Variants in GPHN observed in about 807,000 individuals in gnomAD.
GPHN encodes the protein gephyrin.
In GPHN, 17 loss-of-function variants were observed where a neutral mutation model predicts 95.5. The ratio of observed to expected loss-of-function variants is 0.18; its 90% CI spans 0.12 to 0.27. GPHN has a LOEUF of 0.27. Among genes scored for constraint, GPHN ranks in the 10% least tolerant of loss-of-function variants. The probability of loss-of-function intolerance (pLI) is 1.00; values close to 1 mark genes in which losing one functional copy is unlikely to be tolerated. For synonymous variants in GPHN, 320 were observed against 322.5 expected (o/e 0.99, Z 0.08); for missense variants, 660 against 978.1 (o/e 0.67, Z 4.34).
the GPHN span, chr14:67,578,386 C>T: frequency 1.3e-6 from 1 of 759,836 alleles, no homozygotes. This position sits in a 1 kb window ranked among gnomAD's most constrained non-coding sequence, Gnocchi z 5.0. Context: ...CTGGACACAG[C>T]CTGACCAAGT....
At chr14:67,236,867 C>A in the GPHN span, among the ~76,000 whole-genome samples, 1 of 151,986 alleles carries the variant, frequency 6.6e-6, no homozygotes, top group Admixed American at 6.6e-5. Flanking sequence ...GTGGGCAAAT[C>A]ATTTTAGGTC....
the GPHN span, chr14:67,242,067 TG>T: frequency 6.6e-6 from 1 of 152,398 alleles, no homozygotes; most frequent in Admixed American, 6.5e-5. Flanking sequence ...AGCCTAGTTT[TG>T]TTCATGGTTT....
chr14:67,225,962 TGCGCGC>T, the GPHN span, among the ~76,000 whole-genome samples: 7 of 113,488 alleles, frequency 6.2e-5, no homozygotes, highest in Admixed American at 4.9e-4. Context: ...TGTGTGTGTG[TGCGCGC>T]GCGCGCGTGC....
chr14:67,113,597 C>T (rs1054385009), intron 16 of GPHN, among the ~76,000 whole-genome samples: 1 of 152,126 alleles, frequency 6.6e-6, no homozygotes, highest in African/African-American at 2.4e-5. Flanking sequence ...GACATCATGG[C>T]TAGCACTTCT....
chr14:67,501,083 A>T, the GPHN span, among the ~76,000 whole-genome samples: 1 of 148,992 alleles, frequency 6.7e-6, no homozygotes, highest in Non-Finnish European at 1.5e-5. Context: ...AATAATAATA[A>T]TAAAGAAAAT....
chr14:67,631,480 G>C, the GPHN span, among the ~76,000 whole-genome samples: 1 of 135,850 alleles, frequency 7.4e-6, no homozygotes, highest in Non-Finnish European at 1.5e-5. Flanking sequence ...CTGTCATCCA[G>C]GCTGGAGTAC....
chr14:67,430,061 G>T, the GPHN span, among the ~76,000 whole-genome samples: 2 of 152,156 alleles, frequency 1.3e-5, no homozygotes, highest in Non-Finnish European at 2.9e-5. Flanking sequence ...GCACACAAGG[G>T]AATCACAAGC....
At chr14:66,510,521 G>A (rs2058002463) in intron 1 of GPHN, among the ~76,000 whole-genome samples, 1 of 152,082 alleles carries the variant, frequency 6.6e-6, no homozygotes, top group African/African-American at 2.4e-5. Context: ...ACATTGATAC[G>A]CAAACAAATG....
chr14:66,677,802 T>C (rs1158036240), intron 1 of GPHN, among the ~76,000 whole-genome samples: 1 of 152,140 alleles, frequency 6.6e-6, no homozygotes, highest in African/African-American at 2.4e-5. Context: ...GGACCAAATA[T>C]GTTCTGTAAG....
At chr14:67,208,924 A>G in the GPHN span, among the ~76,000 whole-genome samples, 1 of 151,902 alleles carries the variant, frequency 6.6e-6, no homozygotes, top group East Asian at 1.9e-4. Context: ...AGAAAAAAAA[A>G]AGAAGCACGG....
At chr14:66,586,979 T>G (rs2061447575) in intron 1 of GPHN, among the ~76,000 whole-genome samples, 1 of 152,050 alleles carries the variant, frequency 6.6e-6, no homozygotes, top group Non-Finnish European at 1.5e-5. Flanking sequence ...TTTCAGAAGA[T>G]AAACAGTTGA....
intron 1 of GPHN, among the ~76,000 whole-genome samples, chr14:66,534,399 T>C (rs1474242907): frequency 6.6e-6 from 1 of 152,144 alleles, no homozygotes; most frequent in Admixed American, 6.5e-5. Context: ...ACTTCTTTCG[T>C]TTATTATGGT....
chr14:66,858,692 G>A (rs1449197155), intron 4 of GPHN, among the ~76,000 whole-genome samples: 1 of 152,044 alleles, frequency 6.6e-6, no homozygotes, highest in African/African-American at 2.4e-5. Flanking sequence ...AGAGCACCAA[G>A]TGGGCTCTTG....
the GPHN span, among the ~76,000 whole-genome samples, chr14:67,563,803 G>A: frequency 2.7e-5 from 4 of 149,076 alleles, no homozygotes; most frequent in Non-Finnish European, 4.4e-5. Flanking sequence ...GCACGGTCTC[G>A]GCTCACTGCA....
At chr14:66,798,050 T>G (rs1367553360) in intron 3 of GPHN, among the ~76,000 whole-genome samples, 6 of 151,996 alleles carry the variant, frequency 3.9e-5, no homozygotes, top group Admixed American at 3.9e-4. Context: ...TTGAATTTTA[T>G]CAAATGCTTT....
intron 1 of GPHN, among the ~76,000 whole-genome samples, chr14:66,510,851 T>G (rs2058014405): frequency 6.6e-6 from 1 of 151,940 alleles, no homozygotes; most frequent in Non-Finnish European, 1.5e-5. Context: ...GAAGGTAACA[T>G]TAACATTGAC....
intron 1 of GPHN, among the ~76,000 whole-genome samples, chr14:66,635,966 G>A (rs1367995871): frequency 4.6e-5 from 7 of 151,606 alleles, no homozygotes; most frequent in Admixed American, 1.3e-4. Context: ...GTGAAACTCC[G>A]TCTCTACTAA....
the GPHN span, chr14:67,385,658 C>CTTTTTT: frequency 4.6e-5 from 5 of 107,646 alleles, no homozygotes; most frequent in African/African-American, 7.7e-5. Context: ...CCACTTTTTT[C>CTTTTTT]TTTTTTTTTT....
the GPHN span, among the ~76,000 whole-genome samples, chr14:67,256,761 GAGTA>G: frequency 6.6e-6 from 1 of 151,476 alleles, no homozygotes; most frequent in Non-Finnish European, 1.5e-5. Flanking sequence ...AAATCTAATA[GAGTA>G]AGTAGGAGGA....
Sources: gnomAD v4.1 joint callset for allele counts (sites outside exome capture counted in the v4.1 genomes callset) on GRCh38, gnomAD v4.1.1 for gene constraint, Gnocchi (gnomAD v3.1) non-coding constraint, MANE v1.5 for transcripts, NCBI Gene and HGNC (gene_info 2026-07-23, HGNC 2026-07-21) for gene names.